Variants in ASAP1 observed in about 807,000 individuals in gnomAD.
The protein encoded by ASAP1 is ArfGAP with SH3 domain, ankyrin repeat and PH domain 1, also known as arf-GAP with SH3 domain, ANK repeat and PH domain-containing protein 1.
A neutral mutation model predicts 145.2 loss-of-function variants in ASAP1; 43 were observed. That is an observed-to-expected ratio of 0.30 (90% confidence interval 0.23 to 0.38). ASAP1 has a LOEUF of 0.38. Ranked by LOEUF, ASAP1 falls within the 10% of genes least tolerant of loss-of-function variation. The pLI is 1.00. For missense variants in ASAP1, 1,018 were observed against 1,355.3 expected (o/e 0.75, Z 3.91); for synonymous variants, 546 against 515.5 (o/e 1.06, Z -0.80).
chr8:130,292,108 T>C (rs1457174477), intron 3 of ASAP1, among the ~76,000 whole-genome samples: 1 of 152,176 alleles, frequency 6.6e-6, no homozygotes, highest in East Asian at 1.9e-4. Flanking sequence ...CTGCCCCTAC[T>C]ACCCTTTTGG....
chr8:130,188,035 C>T, intron 6 of ASAP1, 74 bp downstream of exon 6: 4 of 1,063,076 alleles, frequency 3.8e-6, no homozygotes, highest in Non-Finnish European at 5.7e-6. Context: ...ACAAGTACTA[C>T]TATGATCTTG....
intron 28 of ASAP1, 136 bp from the exon 29 acceptor site, chr8:130,058,212 G>T: frequency 2.2e-6 from 2 of 914,606 alleles, no homozygotes; most frequent in East Asian, 2.5e-5. Flanking sequence ...CTTGAAGGGC[G>T]GGAAGAAGAG....
At chr8:130,111,732 G>A (rs530974955) in intron 24 of ASAP1, among the ~76,000 whole-genome samples, 4 of 152,162 alleles carry the variant, frequency 2.6e-5, no homozygotes, top group African/African-American at 7.2e-5. Flanking sequence ...CTGGAGCCAC[G>A]TGGACCTCAG....
chr8:130,257,895 A>C (rs559770168), intron 3 of ASAP1, among the ~76,000 whole-genome samples: 34 of 151,756 alleles, frequency 2.2e-4, no homozygotes, highest in Non-Finnish European at 4.0e-4. Flanking sequence ...AATCTGTTAA[A>C]GAAGAGATTG....
chr8:130,199,501 G>C (rs913415925), intron 5 of ASAP1, among the ~76,000 whole-genome samples: 4 of 152,114 alleles, frequency 2.6e-5, no homozygotes, highest in African/African-American at 7.2e-5. Context: ...CAAACCAAGG[G>C]TACCCCTCCC....
chr8:130,244,587 C>T (rs1002210318), intron 3 of ASAP1, among the ~76,000 whole-genome samples: 1 of 152,156 alleles, frequency 6.6e-6, no homozygotes, highest in Non-Finnish European at 1.5e-5. Context: ...ATCCACCCAG[C>T]AAACATTTAC....
At chr8:130,392,494 A>C (rs1828328618) in intron 2 of ASAP1, among the ~76,000 whole-genome samples, 1 of 152,256 alleles carries the variant, frequency 6.6e-6, no homozygotes, top group Non-Finnish European at 1.5e-5. Flanking sequence ...TGTGCCAAGT[A>C]CTATTCATGT....
rs151229691 is a variant in ASAP1, at chr8:130,170,587, T to G, written c.747-1520A>C. On this transcript the variant is annotated intron_variant, in intron 9 of 29. Transcript: ENST00000518721. ...TACAAGTTCCAACATTTTTTAAGGCTGACATCTTTGGCAAAGAAACCTTAT... is the reference window on the plus strand; with the variant it reads ...TACAAGTTCCAACATTTTTTAAGGCGGACATCTTTGGCAAAGAAACCTTAT... Among the ~76,000 whole-genome samples, 1,061 of 152,344 alleles carry G rather than the reference T, an allele frequency of 7.0e-3. 3 individuals carry two copies. Among genetic ancestry groups the G allele is most frequent in the South Asian group, 0.029 (140 of 4,826 alleles).
intron 18 of ASAP1, among the ~76,000 whole-genome samples, chr8:130,121,739 G>A (rs377709714): frequency 5.1e-5 from 6 of 118,712 alleles, no homozygotes; most frequent in Admixed American, 2.5e-4. Flanking sequence ...AGCAAAGATC[G>A]CATCACTGCA....
chr8:130,355,865 T>C (rs1234084179), intron 3 of ASAP1, among the ~76,000 whole-genome samples: 1 of 152,110 alleles, frequency 6.6e-6, no homozygotes, highest in Admixed American at 6.5e-5. Flanking sequence ...CCGGAGACAA[T>C]GTTTTCCTGG....
intron 11 of ASAP1, 113 bp from the exon 12 acceptor site, chr8:130,160,077 C>A (rs565366469): frequency 9.3e-6 from 8 of 856,868 alleles, no homozygotes; most frequent in African/African-American, 1.7e-5. Context: ...AATTATGGAA[C>A]TTTAAGAGCT....
intron 18 of ASAP1, 133 bp from the exon 19 acceptor site, chr8:130,118,808 G>GT: frequency 1.8e-6 from 1 of 560,166 alleles, no homozygotes; most frequent in Non-Finnish European, 2.8e-6. Flanking sequence ...AATAAACCAG[G>GT]TTTTAGACCA....
chr8:130,311,342 C>T (rs531137062), intron 3 of ASAP1, among the ~76,000 whole-genome samples: 2 of 152,316 alleles, frequency 1.3e-5, no homozygotes, highest in South Asian at 4.1e-4. Context: ...GAGAAATTTA[C>T]GTCTAAAATA....
chr8:130,373,828 C>T (rs1282469768), intron 2 of ASAP1, among the ~76,000 whole-genome samples: 9 of 118,372 alleles, frequency 7.6e-5, no homozygotes, highest in African/African-American at 3.1e-4. Context: ...GCCTGGGTGA[C>T]AGAGTGAGAT....
intron 3 of ASAP1, among the ~76,000 whole-genome samples, chr8:130,277,150 A>T (rs916182847): frequency 1.3e-5 from 2 of 152,156 alleles, no homozygotes; most frequent in African/African-American, 4.8e-5. Flanking sequence ...ATTACGATGC[A>T]TGCTCTAGCT....
intron 4 of ASAP1, among the ~76,000 whole-genome samples, chr8:130,219,392 G>A (rs1409593329): frequency 1.3e-5 from 2 of 152,170 alleles, no homozygotes; most frequent in Admixed American, 6.5e-5. Context: ...CGGCAGAAGG[G>A]AGGAACACAC....
chr8:130,264,458 C>CCTCT (rs1250784393), intron 3 of ASAP1, among the ~76,000 whole-genome samples: 2 of 152,166 alleles, frequency 1.3e-5, no homozygotes, highest in African/African-American at 4.8e-5. Context: ...TCCTCCCTTT[C>CCTCT]CTCTGCCTGC....
intron 11 of ASAP1, among the ~76,000 whole-genome samples, chr8:130,165,863 G>C (rs780808624): frequency 2.0e-5 from 3 of 152,166 alleles, no homozygotes; most frequent in Admixed American, 6.5e-5. Context: ...GGCTTCCCAT[G>C]TTTTATGGGA....
chr8:130,074,531 C>A (rs1476246033), intron 27 of ASAP1, among the ~76,000 whole-genome samples: 1 of 151,490 alleles, frequency 6.6e-6, no homozygotes, highest in Non-Finnish European at 1.5e-5. Context: ...AGGAGGGACA[C>A]AGGTCTTCAT....
Sources: allele counts gnomAD v4.1 joint callset (sites outside exome capture counted in the v4.1 genomes callset), GRCh38; gene constraint gnomAD v4.1.1; transcripts MANE v1.5; gene names NCBI Gene and HGNC (gene_info 2026-07-23, HGNC 2026-07-21).